IL1RAPL1: variants seen among roughly 807,000 people sequenced by gnomAD.
IL1RAPL1 encodes the protein interleukin 1 receptor accessory protein like 1.
In IL1RAPL1, 3 loss-of-function variants were observed where a neutral mutation model predicts 48.4. The ratio of observed to expected loss-of-function variants is 0.06; its 90% CI spans 0.03 to 0.16. The LOEUF is 0.16. IL1RAPL1 is among the 10% of genes least tolerant of loss of function. The pLI is 1.00. For missense variants in IL1RAPL1, 349 were observed against 530.6 expected, an observed-to-expected ratio of 0.66 and a Z score of 3.36; for synonymous variants, 185 against 187.7, an observed-to-expected ratio of 0.99 and a Z score of 0.12.
At chrX:28,738,572 G>A (rs934593772) in intron 1 of IL1RAPL1, among the ~76,000 whole-genome samples, 1 of 111,233 alleles carries the variant, frequency 9.0e-6, no homozygotes, top group African/African-American at 3.3e-5. Context: ...GCTGGAAAAG[G>A]TGAGGGGGTG....
intron 6 of IL1RAPL1, among the ~76,000 whole-genome samples, chrX:29,717,203 T>TATAC (rs1555914402): frequency 4.2e-5 from 4 of 95,529 alleles, no homozygotes; most frequent in Non-Finnish European, 6.3e-5. Context: ...AGAGCCAGAT[T>TATAC]ACACACACAC....
At chrX:29,214,086 G>A (rs1930820787) in intron 2 of IL1RAPL1, among the ~76,000 whole-genome samples, 1 of 110,938 alleles carries the variant, frequency 9.0e-6, no homozygotes, top group Non-Finnish European at 1.9e-5. Flanking sequence ...TACCCTCTGT[G>A]CACCTCAAGT....
intron 2 of IL1RAPL1, among the ~76,000 whole-genome samples, chrX:28,873,523 C>CTTTTTTTTTTTTTTTTTTTTTT (rs10554661): frequency 7.1e-5 from 4 of 56,677 alleles, no homozygotes; most frequent in African/African-American, 3.2e-4. Context: ...TTCTTTCTTT[C>CTTTTTTTTTTTTTTTTTTTTTT]TTTTTTTTTT....
intron 6 of IL1RAPL1, among the ~76,000 whole-genome samples, chrX:29,726,222 C>T (rs759111542): frequency 1.9e-4 from 21 of 111,998 alleles, no homozygotes; most frequent in Non-Finnish European, 3.9e-4. Context: ...TCATTTTTGT[C>T]TAATTTATTT....
intron 3 of IL1RAPL1, among the ~76,000 whole-genome samples, chrX:29,319,856 C>T (rs1456530815): frequency 9.0e-6 from 1 of 111,202 alleles, no homozygotes; most frequent in Non-Finnish European, 1.9e-5. Context: ...AAGTTTATGA[C>T]ATTTTAATTT....
At chrX:28,900,136 T>C (rs1923036865) in intron 2 of IL1RAPL1, among the ~76,000 whole-genome samples, 1 of 111,991 alleles carries the variant, frequency 8.9e-6, no homozygotes, top group Non-Finnish European at 1.9e-5. Flanking sequence ...TGGGCAGTCA[T>C]GGGTAAGGTA....
At chrX:29,950,206 G>A (rs181499486) in intron 9 of IL1RAPL1, among the ~76,000 whole-genome samples, 1 of 112,096 alleles carries the variant, frequency 8.9e-6, no homozygotes, top group East Asian at 2.8e-4. Context: ...ACTAACTGAT[G>A]TCATAGCACC....
At chrX:29,827,536 G>A (rs760330465) in intron 6 of IL1RAPL1, among the ~76,000 whole-genome samples, 207 of 111,961 alleles carry the variant, frequency 1.8e-3, no homozygotes, top group African/African-American at 5.8e-3. Context: ...AGAGGGGACA[G>A]TGGGGAAAGG....
intron 3 of IL1RAPL1, among the ~76,000 whole-genome samples, chrX:29,357,624 C>T (rs913210171): frequency 3.6e-5 from 4 of 111,791 alleles, no homozygotes; most frequent in Non-Finnish European, 7.5e-5. Context: ...ATTGACCTAA[C>T]TTTATTAAAT....
chrX:28,640,372 G>A (rs1332705573), intron 1 of IL1RAPL1, among the ~76,000 whole-genome samples: 1 of 110,806 alleles, frequency 9.0e-6, no homozygotes, highest in Non-Finnish European at 1.9e-5. Context: ...TTGAGACAGA[G>A]TCTTGCTCTG....
At chrX:28,821,951 G>A (rs912016945) in intron 2 of IL1RAPL1, among the ~76,000 whole-genome samples, 32 of 111,171 alleles carry the variant, frequency 2.9e-4, no homozygotes, top group Admixed American at 9.6e-4. Context: ...TTGAGTTAGA[G>A]GTTTTGATAG....
chrX:28,705,765 A>G (rs1935368018), intron 1 of IL1RAPL1, among the ~76,000 whole-genome samples: 2 of 111,960 alleles, frequency 1.8e-5, no homozygotes, highest in South Asian at 3.7e-4. Flanking sequence ...CTGTAGGCAC[A>G]TGAATTCCAA....
intron 2 of IL1RAPL1, among the ~76,000 whole-genome samples, chrX:29,128,292 C>A (rs1386762023): frequency 9.0e-6 from 1 of 111,077 alleles, no homozygotes; most frequent in Admixed American, 9.6e-5. Context: ...ATGACCCAAA[C>A]CCATGGCCTA....
chrX:29,681,066 A>G (rs981752544), intron 6 of IL1RAPL1, among the ~76,000 whole-genome samples: 2 of 112,519 alleles, frequency 1.8e-5, no homozygotes, highest in Non-Finnish European at 3.8e-5. Context: ...TAATGCTATA[A>G]AGGAGAATGG....
chrX:29,571,856 C>G lies in IL1RAPL1; in HGVS notation c.704-96574C>G, dbSNP rs748857935. Among the ~76,000 whole-genome samples the G allele has an allele frequency of 7.2e-5, 8 of 111,596 alleles. No individual in the cohort carries two copies. The South Asian group carries it at 3.0e-3, about 42-fold the overall frequency. On this transcript the variant is annotated intron_variant, in intron 5 of 10. Transcript: ENST00000378993. Reference sequence around the variant, plus strand: ...ACGCTTTTCTCAGAATTGAGACTCCCTGAAGGTCTTAGAGTTTAACGATGC... The same window carrying G: ...ACGCTTTTCTCAGAATTGAGACTCCGTGAAGGTCTTAGAGTTTAACGATGC...
intron 6 of IL1RAPL1, among the ~76,000 whole-genome samples, chrX:29,757,808 A>G (rs1381250165): frequency 1.8e-5 from 2 of 112,133 alleles, no homozygotes; most frequent in East Asian, 2.8e-4. Flanking sequence ...TTTGACACCA[A>G]TATATGTGGG....
At chrX:29,552,351 G>A (rs1921844187) in intron 5 of IL1RAPL1, among the ~76,000 whole-genome samples, 1 of 110,703 alleles carries the variant, frequency 9.0e-6, no homozygotes, top group Non-Finnish European at 1.9e-5. Context: ...ATTACCCTTG[G>A]CCCCTACAGT....
rs760206403 is a variant in IL1RAPL1, at chrX:29,873,561, C to T, written c.779-43903C>T. ...TGATGACACAGCAAAAAGTGTAATCCGTGAAGCAGAGAGCTCACGCCAGAC... is the reference window on the plus strand; with the variant it reads ...TGATGACACAGCAAAAAGTGTAATCTGTGAAGCAGAGAGCTCACGCCAGAC... On this transcript the variant is annotated intron_variant, in intron 6 of 10. Transcript: ENST00000378993. Among the ~76,000 whole-genome samples the T allele has an allele frequency of 9.3e-4, 104 of 111,650 alleles. 3 individuals carry two copies. The highest frequency in any genetic ancestry group is 2.1e-4 in the Non-Finnish European group (11 of 53,110).
chrX:29,647,347 C>CAA (rs763429832), intron 5 of IL1RAPL1, among the ~76,000 whole-genome samples: 3 of 54,572 alleles, frequency 5.5e-5, no homozygotes, highest in South Asian at 1.1e-3. Context: ...GACTCTGCCT[C>CAA]AAAAAAAAAA....
Sources: gnomAD v4.1 joint callset for allele counts (sites outside exome capture counted in the v4.1 genomes callset) on GRCh38, gnomAD v4.1.1 for gene constraint, MANE v1.5 for transcripts, NCBI Gene and HGNC (gene_info 2026-07-23, HGNC 2026-07-21) for gene names.